The following DTWD2 variants were observed in gnomAD, a reference collection of about 807,000 sequenced individuals.
The protein encoded by DTWD2 is DTW motif tRNA-uridine aminocarboxypropyltransferase 2, also known as tRNA-uridine aminocarboxypropyltransferase 2.
DTWD2 carries 39 observed loss-of-function variants against 31.8 expected under a neutral mutation model. The ratio of observed to expected loss-of-function variants is 1.22; its 90% confidence interval spans 0.95 to 1.60. DTWD2 has a LOEUF of 1.60. Among genes scored for constraint, DTWD2 ranks in the 40% most tolerant of loss-of-function variants. The probability of loss-of-function intolerance (pLI) is 0.00; values close to 1 mark genes in which losing one functional copy is unlikely to be tolerated. For synonymous variants in DTWD2, 180 were observed against 142.8 expected (o/e 1.26, Z -1.86); for missense variants, 515 against 381.5 (o/e 1.35, Z -2.92).
chr5:118,915,168 G>A (rs1753545848), intron 4 of DTWD2, among the ~76,000 whole-genome samples: 1 of 151,930 alleles, frequency 6.6e-6, no homozygotes. Context: ...AGTGACCCAA[G>A]ACAGGGCTAC....
At position 118,887,264 on chromosome 5, in the gene DTWD2, G is replaced by C. The variant is rs189027361; in HGVS notation, c.598-39046C>G. Among the ~76,000 whole-genome samples the C allele has an allele frequency of 9.3e-4, 142 of 152,132 alleles. 1 individual carries two copies. Among genetic ancestry groups the C allele is most frequent in the Non-Finnish European group, 1.6e-4 (11 of 67,998 alleles). ...GTTTGTGCAAGAATATCAGATACAG[G>C]GATATACCCTAATAAAGTTAGTCCA... On this transcript the variant is annotated intron_variant, in intron 4 of 5. Transcript: ENST00000510708.
Position 118,951,357 on chromosome 5 carries a change from C to T in DTWD2, c.219-6708G>A, listed in dbSNP as rs367563244. 1.9e-4 allele frequency among the ~76,000 whole-genome samples: 29 copies of T among 152,128 alleles called. No homozygotes were observed. The East Asian group carries it at 4.8e-3, about 25-fold the overall frequency. On this transcript the variant is annotated intron_variant, in intron 1 of 5. Coordinates refer to ENST00000510708, the MANE Select transcript of DTWD2 (RefSeq NM_173666.4). ...CTGTAGAAAAGGAGGATTCAAAGGA[C>T]TCAGAGCTTGGGGTGGAGACTGAAG...
At chr5:118,885,350 G>T in intron 4 of DTWD2, among the ~76,000 whole-genome samples, 1 of 151,058 alleles carries the variant, frequency 6.6e-6, no homozygotes, top group East Asian at 2.0e-4. Flanking sequence ...CTATCAGGAG[G>T]CTGTGGCGGA....
rs1191497042 is a variant in DTWD2, at chr5:118,939,303, A to T, written c.310-13T>A. ...ACACTTTGTTTTCCTTTAATTAAAAAATGAATTGAAACATAGATTTTTACT... is the reference window on the plus strand; with the variant it reads ...ACACTTTGTTTTCCTTTAATTAAAATATGAATTGAAACATAGATTTTTACT... On this transcript the variant is annotated splice_polypyrimidine_tract_variant and intron_variant, in intron 2 of 5. Transcript: ENST00000510708. 2 of 1,549,010 alleles carry T rather than the reference A, an allele frequency of 1.3e-6. No individual in the cohort carries two copies. Among genetic ancestry groups the T allele is most frequent in the East Asian group, 2.4e-5 (1 of 42,334 alleles).
chr5:118,979,717 G>C (rs1277817185), intron 1 of DTWD2, among the ~76,000 whole-genome samples: 5 of 152,230 alleles, frequency 3.3e-5, no homozygotes, highest in Non-Finnish European at 7.3e-5. Flanking sequence ...GATGAAGCTG[G>C]ATACTTTATC....
At chr5:118,889,564 AT>A (rs1443491099) in intron 4 of DTWD2, among the ~76,000 whole-genome samples, 1 of 152,142 alleles carries the variant, frequency 6.6e-6, no homozygotes, top group Non-Finnish European at 1.5e-5. Flanking sequence ...AAATAAAATA[AT>A]TTTGAAAAAT....
chr5:118,891,261 T>C (rs947846665), intron 4 of DTWD2, among the ~76,000 whole-genome samples: 11 of 152,162 alleles, frequency 7.2e-5, no homozygotes, highest in Non-Finnish European at 1.3e-4. Context: ...ATTTTTTTTT[T>C]AGCCATCTGT....
intron 1 of DTWD2, among the ~76,000 whole-genome samples, chr5:118,986,004 T>C (rs548076523): frequency 6.6e-6 from 1 of 152,276 alleles, no homozygotes; most frequent in African/African-American, 2.4e-5. Context: ...ATCTTTGTAT[T>C]TCATAGCCTA....
chr5:118,874,745 C>T (rs1054448031), intron 4 of DTWD2, among the ~76,000 whole-genome samples: 7 of 152,054 alleles, frequency 4.6e-5, no homozygotes, highest in Admixed American at 3.3e-4. Context: ...GATTGGGGTA[C>T]CTGAAAGAAA....
intron 4 of DTWD2, among the ~76,000 whole-genome samples, chr5:118,867,819 T>A (rs1451784480): frequency 6.6e-6 from 1 of 152,166 alleles, no homozygotes; most frequent in Non-Finnish European, 1.5e-5. Flanking sequence ...TTAAAAGACT[T>A]AATATTGTTA....
intron 2 of DTWD2, among the ~76,000 whole-genome samples, chr5:118,942,646 C>CA (rs1561464719): frequency 1.3e-5 from 2 of 151,802 alleles, no homozygotes; most frequent in Non-Finnish European, 1.5e-5. Flanking sequence ...CCTATCTCTA[C>CA]AAAAAATAGA....
At chr5:118,937,470 G>A (rs954493809) in intron 3 of DTWD2, among the ~76,000 whole-genome samples, 6 of 151,698 alleles carry the variant, frequency 4.0e-5, no homozygotes, top group African/African-American at 1.2e-4. Context: ...CCTGACGTAA[G>A]TTATCTGTAA....
intron 1 of DTWD2, among the ~76,000 whole-genome samples, chr5:118,968,747 C>G (rs1754912358): frequency 6.6e-6 from 1 of 152,224 alleles, no homozygotes; most frequent in Non-Finnish European, 1.5e-5. Context: ...TACTCTGGCC[C>G]TGGGAATTCC....
rs184257018 is a variant in DTWD2, at chr5:118,963,807, T to C, written c.219-19158A>G. Among the ~76,000 whole-genome samples the C allele has an allele frequency of 1.4e-3, 208 of 152,310 alleles. 1 individual carries two copies. Among genetic ancestry groups the C allele is most frequent in the Middle Eastern group, 6.8e-3 (2 of 294 alleles). On this transcript the variant is annotated intron_variant, in intron 1 of 5. Transcript: ENST00000510708. ...CTCCTAAATCACACTATTCATGTTA[T>C]ATTACAATTATTGGCTTACCTGTGT...
At chr5:118,934,137 G>A (rs901159547) in intron 3 of DTWD2, among the ~76,000 whole-genome samples, 1 of 150,362 alleles carries the variant, frequency 6.7e-6, no homozygotes, top group Non-Finnish European at 1.5e-5. Flanking sequence ...AAAAAACACT[G>A]ATAAAAAGCA....
chr5:118,988,463 G>C lies in DTWD2; in HGVS notation c.49C>G (p.Pro17Ala). 1 of 1,605,664 alleles carries C rather than the reference G, an allele frequency of 6.2e-7. No homozygotes were observed. Among genetic ancestry groups the C allele is most frequent in the Non-Finnish European group, 8.5e-7 (1 of 1,177,702 alleles). ...ARTLQEPVAR[P>A]SGASSSQTPN... ...GTCTGAGAGCTTGAGGCCCCAGAAGGCCGCGCAACGGGCTCCTGGAGTGTT... is the reference window on the plus strand; with the variant it reads ...GTCTGAGAGCTTGAGGCCCCAGAAGCCCGCGCAACGGGCTCCTGGAGTGTT... Residue 17 changes from proline (P) to alanine (A), a missense_variant, in exon 1 of 6, where the codon CCT (proline) becomes GCT (alanine). Physicochemically the swap from Pro to Ala is conservative, Grantham distance 27. Coordinates refer to ENST00000510708, the MANE Select transcript of DTWD2 (RefSeq NM_173666.4).
intron 1 of DTWD2, chr5:118,973,781 C>T: frequency 6.2e-7 from 1 of 1,611,330 alleles, no homozygotes; most frequent in Non-Finnish European, 8.5e-7. Context: ...CATCGGATCA[C>T]CGGCGTGCCC....
rs138658044 is a variant in DTWD2, at chr5:118,939,276, C to T, written c.324G>A (p.Leu108=). ...IQHPAEENKV[L]RTVPLLAACL... ...ATGCTGCTAGTAGAGGAACTGTACGCAACACTTTGTTTTCCTTTAATTAAA... is the reference window on the plus strand; with the variant it reads ...ATGCTGCTAGTAGAGGAACTGTACGTAACACTTTGTTTTCCTTTAATTAAA... The change falls in exon 3 of 6, where the codon TTG becomes TTA. Residue 108 remains leucine (L), a synonymous_variant. Transcript: ENST00000510708. The T allele has an allele frequency of 8.9e-6, 14 of 1,579,660 alleles. No homozygotes were observed. The African/African-American group carries it at 1.6e-4, about 18-fold the overall frequency.
At chr5:118,941,249 C>A (rs1754191872) in intron 2 of DTWD2, among the ~76,000 whole-genome samples, 1 of 152,048 alleles carries the variant, frequency 6.6e-6, no homozygotes, top group African/African-American at 2.4e-5. Flanking sequence ...CATATGTATA[C>A]ATGTGCCATG....
Sources: gnomAD v4.1 joint callset for allele counts (sites outside exome capture counted in the v4.1 genomes callset) on GRCh38, gnomAD v4.1.1 for gene constraint, MANE v1.5 for transcripts, NCBI Gene and HGNC (gene_info 2026-07-23, HGNC 2026-07-21) for gene names.